PPME1: variants seen among roughly 807,000 people sequenced by gnomAD.
PPME1 encodes the protein protein phosphatase methylesterase 1.
PPME1 carries 17 observed loss-of-function variants against 56.9 expected under a neutral mutation model. That is an observed-to-expected ratio of 0.30 (90% CI 0.20 to 0.45). The LOEUF (loss-of-function observed/expected upper bound fraction) is 0.45, where lower values mean the gene tolerates loss of function less well. Among genes scored for constraint, PPME1 ranks in the 20% least tolerant of loss-of-function variants. PPME1 has a pLI of 1.00. For missense variants in PPME1, 357 were observed against 483.2 expected, an observed-to-expected ratio of 0.74 and a Z score of 2.45; for synonymous variants, 122 against 156.2, an observed-to-expected ratio of 0.78 and a Z score of 1.63.
chr11:74,214,295 AAAAG>A (rs1412133760), intron 3 of PPME1, among the ~76,000 whole-genome samples: 6 of 152,196 alleles, frequency 3.9e-5, no homozygotes, highest in South Asian at 2.1e-4. Flanking sequence ...AGACAAAAGA[AAAAG>A]AATACAAAAA....
chr11:74,211,945 T>C (rs1372433606), intron 3 of PPME1, among the ~76,000 whole-genome samples: 2 of 152,132 alleles, frequency 1.3e-5, no homozygotes, highest in East Asian at 3.8e-4. Flanking sequence ...CAGAGCAAGA[T>C]GGTGAAATAG....
chr11:74,221,845 T>C (rs898533788), intron 3 of PPME1, among the ~76,000 whole-genome samples: 10 of 152,318 alleles, frequency 6.6e-5, no homozygotes, highest in African/African-American at 2.4e-4. Flanking sequence ...AGTGAATCTT[T>C]AGTAGATTCC....
chr11:74,253,249 AAGACTTAATTTCTCTTACTAAAC>A (rs1205008595), intron 13 of PPME1, among the ~76,000 whole-genome samples: 1 of 152,042 alleles, frequency 6.6e-6, no homozygotes, highest in African/African-American at 2.4e-5. Context: ...ACCAACAATA[AAGACTTAATTTCTCTTACTAAAC>A]AGTGTTTGGC....
chr11:74,218,343 A>G (rs1048004217), intron 3 of PPME1, among the ~76,000 whole-genome samples: 2 of 152,222 alleles, frequency 1.3e-5, no homozygotes, highest in African/African-American at 4.8e-5. Flanking sequence ...AACAATCTAC[A>G]GATGCAACAC....
intron 5 of PPME1, among the ~76,000 whole-genome samples, chr11:74,228,647 T>C (rs1858990099): frequency 6.6e-6 from 1 of 152,200 alleles, no homozygotes; most frequent in Non-Finnish European, 1.5e-5. Flanking sequence ...TTTTACTTGG[T>C]AGAAATGCAA....
intron 7 of PPME1, among the ~76,000 whole-genome samples, chr11:74,234,954 T>G (rs1003273974): frequency 2.0e-5 from 3 of 152,180 alleles, no homozygotes; most frequent in Non-Finnish European, 4.4e-5. Context: ...GGAATAGATA[T>G]TTCATGTATT....
chr11:74,214,157 AG>A (rs1213467017), intron 3 of PPME1, among the ~76,000 whole-genome samples: 2 of 152,214 alleles, frequency 1.3e-5, no homozygotes, highest in Admixed American at 6.5e-5. Flanking sequence ...ATAATTAAAA[AG>A]AACAGAAATT....
intron 1 of PPME1, among the ~76,000 whole-genome samples, chr11:74,197,170 A>G (rs1451797273): frequency 6.6e-6 from 1 of 152,196 alleles, no homozygotes; most frequent in Non-Finnish European, 1.5e-5. Flanking sequence ...CGCTTTTACT[A>G]GAAAGTTTAT....
intron 3 of PPME1, among the ~76,000 whole-genome samples, chr11:74,221,536 T>C (rs945137757): frequency 2.0e-5 from 3 of 152,214 alleles, no homozygotes; most frequent in Admixed American, 6.5e-5. Context: ...TAATTTGTTA[T>C]GTGACCCTGG....
intron 4 of PPME1, among the ~76,000 whole-genome samples, chr11:74,224,998 T>C (rs1317442265): frequency 6.6e-6 from 1 of 152,174 alleles, no homozygotes; most frequent in Non-Finnish European, 1.5e-5. Flanking sequence ...GTATAAGGAA[T>C]GTGGATAAAT....
intron 5 of PPME1, among the ~76,000 whole-genome samples, chr11:74,229,084 C>T (rs760603738): frequency 9.9e-5 from 15 of 152,084 alleles, no homozygotes; most frequent in Non-Finnish European, 1.9e-4. Flanking sequence ...CCGAGGCTAC[C>T]CTATTCACTC....
Position 74,202,935 on chromosome 11 carries a change from G to A in PPME1, c.102-793G>A, listed in dbSNP as rs141041826. On this transcript the variant is annotated intron_variant, in intron 1 of 13. Transcript: ENST00000328257. ...CACAATTTTACCCAAGTGATAGCAC[G>A]CATATCGTGTTCATCTTGGAGTTAT... Among the ~76,000 whole-genome samples, 504 of 152,006 alleles carry A rather than the reference G, an allele frequency of 3.3e-3. 2 individuals carry two copies. Among genetic ancestry groups the A allele is most frequent in the Middle Eastern group, 0.024 (7 of 294 alleles).
chr11:74,187,451 A>G (rs1306540606), intron 1 of PPME1, among the ~76,000 whole-genome samples: 2 of 152,118 alleles, frequency 1.3e-5, no homozygotes, highest in Non-Finnish European at 2.9e-5. Flanking sequence ...TAAATCTTGC[A>G]TTTATTTGGC....
intron 1 of PPME1, among the ~76,000 whole-genome samples, chr11:74,196,806 T>A (rs1857993945): frequency 6.6e-6 from 1 of 152,204 alleles, no homozygotes; most frequent in Non-Finnish European, 1.5e-5. Flanking sequence ...ATTAACTATT[T>A]TTGCAAGAAT....
rs1189757429 is a variant in PPME1, at chr11:74,204,288, A to G, written c.196-65A>G. 2.3e-6 allele frequency: 3 copies of G among 1,286,316 alleles called. No individual in the cohort carries two copies. In the African/African-American group the frequency reaches 4.4e-5, roughly 19 times the overall value. The allele number at this position is 1,286,316 out of a possible 1,614,324, so 79.7% of individuals were successfully genotyped here. ...CATGTAAGTTTCTAGCGGTATTACT[A>G]TGATTAAATAATGAAAAACTTTAGT... On this transcript the variant is annotated intron_variant, in intron 2 of 13. Coordinates refer to ENST00000328257, the MANE Select transcript of PPME1 (RefSeq NM_016147.3).
chr11:74,251,465 A>G, intron 12 of PPME1, 183 bp from the exon 13 acceptor site: 1 of 1,428,850 alleles, frequency 7.0e-7, no homozygotes, highest in Non-Finnish European at 9.1e-7. Flanking sequence ...CCTGGCAAGG[A>G]TAGTGGGGAG....
At chr11:74,235,233 G>A (rs1859161618) in intron 7 of PPME1, among the ~76,000 whole-genome samples, 1 of 152,140 alleles carries the variant, frequency 6.6e-6, no homozygotes, top group Admixed American at 6.5e-5. Flanking sequence ...CTCTGCCTTA[G>A]TTGTACTTAG....
chr11:74,217,244 T>C (rs1408777920), intron 3 of PPME1, among the ~76,000 whole-genome samples: 6 of 151,902 alleles, frequency 3.9e-5, no homozygotes, highest in African/African-American at 1.2e-4. Flanking sequence ...CAGCAACACA[T>C]TACAAAGATT....
At chr11:74,245,951 A>G in intron 9 of PPME1, 125 bp from the exon 10 acceptor site, 2 of 1,072,108 alleles carry the variant, frequency 1.9e-6, no homozygotes, top group Non-Finnish European at 1.3e-6. Flanking sequence ...TAAAATGTCT[A>G]GGACTTAGTA....
Sources: gnomAD v4.1 joint callset for allele counts (sites outside exome capture counted in the v4.1 genomes callset) on GRCh38, gnomAD v4.1.1 for gene constraint, MANE v1.5 for transcripts, NCBI Gene and HGNC (gene_info 2026-07-23, HGNC 2026-07-21) for gene names.